The following LDB3 variants were observed in gnomAD, a reference collection of about 807,000 sequenced individuals.
The protein encoded by LDB3 is LIM domain-binding protein 3.
A neutral mutation model predicts 69.0 loss-of-function variants in LDB3; 49 were observed. That is an observed-to-expected ratio of 0.71 (90% CI 0.56 to 0.90). LDB3 has a LOEUF of 0.90. Among genes scored for constraint, LDB3 ranks in the 40% least tolerant of loss-of-function variants. LDB3 has a pLI of 0.00. For synonymous variants in LDB3, 387 were observed against 396.2 expected, an observed-to-expected ratio of 0.98 and a Z score of 0.28; for missense variants, 928 against 974.1, an observed-to-expected ratio of 0.95 and a Z score of 0.63.
chr10:86,702,758 T>G (rs1403178568), intron 7 of LDB3, among the ~76,000 whole-genome samples: 2 of 152,148 alleles, frequency 1.3e-5, no homozygotes, highest in Non-Finnish European at 2.9e-5. Flanking sequence ...TTTGTGGAAC[T>G]TCAGGCAGGA....
chr10:86,675,292 G>A (rs1844733990), intron 2 of LDB3, among the ~76,000 whole-genome samples: 1 of 152,252 alleles, frequency 6.6e-6, no homozygotes, highest in Non-Finnish European at 1.5e-5. Flanking sequence ...ATGCCTGTGG[G>A]AGAAAGATGT....
intron 5 of LDB3, among the ~76,000 whole-genome samples, chr10:86,683,985 G>A (rs1845307079): frequency 2.0e-5 from 3 of 152,228 alleles, no homozygotes; most frequent in Admixed American, 1.3e-4. Context: ...CTAGGAAGAG[G>A]CAGGGTCACA....
intron 9 of LDB3, among the ~76,000 whole-genome samples, chr10:86,713,195 T>C (rs1376792574): frequency 6.6e-6 from 1 of 152,180 alleles, no homozygotes; most frequent in Non-Finnish European, 1.5e-5. Flanking sequence ...CAGCTGCTCA[T>C]CGGCCACGTA....
intron 7 of LDB3, among the ~76,000 whole-genome samples, chr10:86,695,359 C>G (rs539355175): frequency 6.6e-6 from 1 of 152,224 alleles, no homozygotes; most frequent in Non-Finnish European, 1.5e-5. Flanking sequence ...CTTCTCCTCT[C>G]GGGTCCTGGC....
intron 9 of LDB3, among the ~76,000 whole-genome samples, chr10:86,712,371 G>A (rs1846701822): frequency 6.6e-6 from 1 of 152,238 alleles, no homozygotes; most frequent in South Asian, 2.1e-4. Context: ...TAGTATTGCT[G>A]GAGGGAGGCA....
chr10:86,696,297 GA>G (rs1465740846), intron 7 of LDB3, among the ~76,000 whole-genome samples: 1 of 151,478 alleles, frequency 6.6e-6, no homozygotes, highest in East Asian at 1.9e-4. Context: ...CCCCTTGTAA[GA>G]AAGCAATGAA....
intron 5 of LDB3, among the ~76,000 whole-genome samples, chr10:86,688,824 G>T (rs892827357): frequency 6.6e-6 from 1 of 152,156 alleles, no homozygotes; most frequent in Non-Finnish European, 1.5e-5. Flanking sequence ...TTTTCTGCAC[G>T]TTGGGAAGAC....
In LDB3 at chr10:86,735,311, T is replaced by C. The variant is rs1847597186; in HGVS notation, c.*2335T>C. ...AAAAGGTAGCAGGAAAAGAAGGTAG[T>C]TTTGAGTGTGGTTCACTCAGTGTCT... On this transcript the variant is annotated 3_prime_UTR_variant, in exon 14 of 14. Transcript: ENST00000361373. The C allele has an allele frequency of 6.6e-6, 1 of 151,294 alleles. No individual in the cohort carries two copies. The highest frequency in any genetic ancestry group is 6.6e-5 in the Admixed American group (1 of 15,212). 9.4% of individuals were successfully genotyped at this position (151,294 alleles called of 1,614,324 possible). A position where few individuals can be genotyped will look rare whatever the true frequency, so the allele number is the denominator to read the frequency against.
chr10:86,721,668 C>G (rs1185968618), intron 12 of LDB3, among the ~76,000 whole-genome samples: 1 of 152,172 alleles, frequency 6.6e-6, no homozygotes, highest in East Asian at 1.9e-4. Flanking sequence ...GTCCCAACAC[C>G]AGCAGCAACA....
intron 2 of LDB3, among the ~76,000 whole-genome samples, chr10:86,676,974 G>C (rs1001324736): frequency 4.3e-4 from 65 of 152,260 alleles, no homozygotes; most frequent in African/African-American, 1.4e-3. Flanking sequence ...GCCTTGGCCT[G>C]AATCTAGCTT....
intron 11 of LDB3, 57 bp from the exon 12 acceptor site, chr10:86,718,670 G>A (rs370858236): frequency 1.9e-6 from 3 of 1,613,126 alleles, no homozygotes; most frequent in Non-Finnish European, 1.7e-6. Flanking sequence ...GCCTGGTGGG[G>A]TAGTCAAGCC....
rs933709677 is a variant in LDB3, at chr10:86,699,828, C to T, written c.897-6703C>T. 3 of 1,026,200 alleles carry T rather than the reference C, an allele frequency of 2.9e-6. No homozygotes were observed. Among genetic ancestry groups the T allele is most frequent in the African/African-American group, 3.4e-5 (2 of 59,060 alleles). The allele number at this position is 1,026,200 out of a possible 1,614,324, so 63.6% of individuals were successfully genotyped here. On this transcript the variant is annotated intron_variant, in intron 7 of 13. Transcript: ENST00000361373. This position sits in a 1 kb window ranked among gnomAD's most constrained non-coding sequence, Gnocchi z 4.9. ...GGGAAGAGGCTGATCCCTGGCGCTG[C>T]CCGGCTCCCTCGCTGCCCTCTGGAG...
chr10:86,701,659 G>A (rs1360123710), intron 7 of LDB3, among the ~76,000 whole-genome samples: 1 of 152,166 alleles, frequency 6.6e-6, no homozygotes, highest in Non-Finnish European at 1.5e-5. Flanking sequence ...TCCAAGTGGT[G>A]GATCAAAGAA....
chr10:86,682,106 G>T (rs1033073708), intron 5 of LDB3, among the ~76,000 whole-genome samples: 2 of 152,206 alleles, frequency 1.3e-5, no homozygotes, highest in African/African-American at 4.8e-5. Flanking sequence ...CTGAATTCAG[G>T]AGATTCTGAC....
intron 7 of LDB3, among the ~76,000 whole-genome samples, chr10:86,703,837 G>C (rs1469192601): frequency 6.6e-6 from 1 of 152,176 alleles, no homozygotes; most frequent in East Asian, 1.9e-4. Context: ...CTCTTGGCCG[G>C]GTGCAGTGGC....
chr10:86,709,986 C>T lies in LDB3; in HGVS notation c.1167C>T (p.Ala389=), dbSNP rs768844187. 145 of 1,613,214 alleles carry T rather than the reference C, an allele frequency of 9.0e-5. No homozygotes were observed. In the South Asian group the frequency reaches 1.2e-3, roughly 14 times the overall value. The change falls in exon 9 of 14, where the codon GCC becomes GCT. Residue 389 remains alanine, a synonymous_variant. Transcript: ENST00000361373. ...ACACCAGCTACAGTGAGGGCCCCGC[C>T]GCCCCTGCACCCAAGCCCCGGGTTG... ...ATHTSYSEGP[A]APAPKPRVVT... is the part of the protein sequence containing the mutation.
chr10:86,703,537 C>T (rs930765346), intron 7 of LDB3, among the ~76,000 whole-genome samples: 2 of 152,226 alleles, frequency 1.3e-5, no homozygotes, highest in Admixed American at 6.5e-5. Flanking sequence ...AAAAGCTTCC[C>T]ACGCAGTTAT....
chr10:86,677,570 T>A (rs55731706), intron 2 of LDB3, among the ~76,000 whole-genome samples: 4,253 of 152,112 alleles, frequency 0.028, 97 homozygotes, highest in Middle Eastern at 0.048. Flanking sequence ...TCCCAGGAGG[T>A]GTGGCCTTCC....
At position 86,716,412 on chromosome 10, in the gene LDB3, C is replaced by A; in HGVS notation, c.1317C>A (p.Pro439=). The A allele has an allele frequency of 6.5e-7, 1 of 1,546,062 alleles. No individual in the cohort carries two copies. Among genetic ancestry groups the A allele is most frequent in the African/African-American group, 1.4e-5 (1 of 69,990 alleles). The part of the protein sequence containing the change: ...YTPSPAPAYT[P]SPAPAYTPSP... ...CCTCCCCTGCCCCTGCCTACACCCC[C>A]TCCCCTGCCCCTGCCTACACCCCCT... The change falls in exon 10 of 14, where the codon CCC becomes CCA. Residue 439 remains proline (P), a synonymous_variant. Coordinates refer to ENST00000361373, the MANE Select transcript of LDB3 (RefSeq NM_007078.3).
Sources: gnomAD v4.1 joint callset for allele counts (sites outside exome capture counted in the v4.1 genomes callset) on GRCh38, gnomAD v4.1.1 for gene constraint, Gnocchi (gnomAD v3.1) non-coding constraint, MANE v1.5 for transcripts, NCBI Gene and HGNC (gene_info 2026-07-23, HGNC 2026-07-21) for gene names.